Variants in LUZP2 observed in about 807,000 individuals in gnomAD.
The protein encoded by LUZP2 is leucine zipper protein 2.
Under a neutral mutation model 51.6 loss-of-function variants are expected in LUZP2, and 52 were observed. The ratio of observed to expected loss-of-function variants is 1.01; its 90% CI spans 0.81 to 1.27. The LOEUF (loss-of-function observed/expected upper bound fraction) is 1.27, where lower values mean the gene tolerates loss of function less well. Among genes scored for constraint, LUZP2 ranks in the 50% most tolerant of loss-of-function variants. The probability of loss-of-function intolerance (pLI) is 0.00; values close to 1 mark genes in which losing one functional copy is unlikely to be tolerated. For synonymous variants in LUZP2, 154 were observed against 137.3 expected (o/e 1.12, Z -0.85); for missense variants, 436 against 395.4 (o/e 1.10, Z -0.87).
At chr11:25,036,809 G>A (rs755978887) in intron 9 of LUZP2, among the ~76,000 whole-genome samples, 4 of 151,808 alleles carry the variant, frequency 2.6e-5, no homozygotes, top group Non-Finnish European at 5.9e-5. Flanking sequence ...ATTGCACTGG[G>A]GTCCAGGAGT....
intron 1 of LUZP2, among the ~76,000 whole-genome samples, chr11:24,698,572 A>G (rs1857320040): frequency 6.6e-6 from 1 of 152,220 alleles, no homozygotes; most frequent in Admixed American, 6.5e-5. Flanking sequence ...TGATTTTGGC[A>G]TCCATTGCAT....
intron 9 of LUZP2, among the ~76,000 whole-genome samples, chr11:25,047,120 A>G (rs530485382): frequency 6.6e-6 from 1 of 152,168 alleles, no homozygotes; most frequent in African/African-American, 2.4e-5. Flanking sequence ...GATTCAATCC[A>G]TTCTTCATGA....
At chr11:25,024,025 A>G (rs1044002581) in intron 9 of LUZP2, among the ~76,000 whole-genome samples, 1 of 152,066 alleles carries the variant, frequency 6.6e-6, no homozygotes. Context: ...CTGTTCTTTT[A>G]CATCTGCTGA....
chr11:24,653,505 C>T (rs1176735929), intron 1 of LUZP2, among the ~76,000 whole-genome samples: 2 of 152,066 alleles, frequency 1.3e-5, no homozygotes, highest in African/African-American at 4.8e-5. Flanking sequence ...AGGCACTTCC[C>T]TATATAAGTC....
chr11:24,595,549 A>AT (rs1296143618), intron 1 of LUZP2, among the ~76,000 whole-genome samples: 7 of 152,140 alleles, frequency 4.6e-5, no homozygotes, highest in South Asian at 2.1e-4. Context: ...GCACCTGTCA[A>AT]TTTTTTTACA....
At chr11:24,562,448 G>A (rs1852074141) in intron 1 of LUZP2, among the ~76,000 whole-genome samples, 1 of 145,876 alleles carries the variant, frequency 6.9e-6, no homozygotes, top group Admixed American at 7.0e-5. Flanking sequence ...AGTAGATTCT[G>A]TTCCCAAAAA....
intron 7 of LUZP2, among the ~76,000 whole-genome samples, chr11:24,973,751 T>G (rs571996168): frequency 1.0e-3 from 154 of 152,236 alleles, no homozygotes; most frequent in African/African-American, 3.5e-3. Flanking sequence ...TTTGAGTGAA[T>G]TTCTTAGTCT....
At chr11:24,917,823 T>G (rs1590727001) in intron 7 of LUZP2, among the ~76,000 whole-genome samples, 1 of 152,154 alleles carries the variant, frequency 6.6e-6, no homozygotes, top group East Asian at 1.9e-4. Context: ...TGCGGGCTCT[T>G]TTTTGGTTCC....
At chr11:25,008,024 AT>A (rs751016880) in intron 9 of LUZP2, among the ~76,000 whole-genome samples, 121 of 152,334 alleles carry the variant, frequency 7.9e-4, no homozygotes, top group Non-Finnish European at 1.5e-3. Flanking sequence ...ATAAACGTTC[AT>A]TTAAATAGAA....
At chr11:24,910,580 T>C (rs944295391) in intron 6 of LUZP2, among the ~76,000 whole-genome samples, 1 of 152,178 alleles carries the variant, frequency 6.6e-6, no homozygotes, top group African/African-American at 2.4e-5. Flanking sequence ...CAAGCCTTGG[T>C]GCCTTCCATG....
chr11:24,808,937 C>T (rs951499146), intron 5 of LUZP2, among the ~76,000 whole-genome samples: 2 of 152,042 alleles, frequency 1.3e-5, no homozygotes, highest in Non-Finnish European at 2.9e-5. Flanking sequence ...TTTAGAATTA[C>T]TCTGGCTTAG....
intron 7 of LUZP2, among the ~76,000 whole-genome samples, chr11:24,963,365 G>A (rs1459995353): frequency 6.6e-6 from 1 of 152,200 alleles, no homozygotes; most frequent in African/African-American, 2.4e-5. Flanking sequence ...CCTGCCCCCA[G>A]AGGTGGAGCC....
chr11:25,024,214 G>A (rs1857418878), intron 9 of LUZP2, among the ~76,000 whole-genome samples: 1 of 152,086 alleles, frequency 6.6e-6, no homozygotes, highest in Non-Finnish European at 1.5e-5. Flanking sequence ...TCGTTGATCT[G>A]CATTCCCTTT....
intron 1 of LUZP2, among the ~76,000 whole-genome samples, chr11:24,647,722 C>T (rs1006697611): frequency 1.1e-4 from 16 of 151,854 alleles, no homozygotes; most frequent in Non-Finnish European, 2.4e-4. Flanking sequence ...GGTTGATAGC[C>T]TTTATCAAGA....
chr11:24,946,349 ATAAT>A (rs1366398408), intron 7 of LUZP2, among the ~76,000 whole-genome samples: 1 of 151,980 alleles, frequency 6.6e-6, no homozygotes, highest in Non-Finnish European at 1.5e-5. Context: ...AATTATTAAT[ATAAT>A]TAGATTTGTG....
chr11:24,889,390 A>T (rs1046062993), intron 5 of LUZP2, among the ~76,000 whole-genome samples: 1 of 152,178 alleles, frequency 6.6e-6, no homozygotes, highest in Admixed American at 6.5e-5. Context: ...CCAGGTTCCA[A>T]ATTTTTCTCT....
chr11:24,535,941 C>T (rs1323043025), intron 1 of LUZP2, among the ~76,000 whole-genome samples: 2 of 151,664 alleles, frequency 1.3e-5, no homozygotes, highest in African/African-American at 4.8e-5. Context: ...GTCAAAATTA[C>T]TCCTTGATCC....
intron 5 of LUZP2, among the ~76,000 whole-genome samples, chr11:24,834,258 C>G (rs139037028): frequency 1.3e-5 from 2 of 152,108 alleles, no homozygotes; most frequent in Admixed American, 6.5e-5. Flanking sequence ...CCCTCACCCC[C>G]CAACAGGCCC....
intron 1 of LUZP2, among the ~76,000 whole-genome samples, chr11:24,671,689 A>T (rs1279805223): frequency 6.6e-6 from 1 of 152,106 alleles, no homozygotes; most frequent in African/African-American, 2.4e-5. Context: ...TAACAGACAC[A>T]CAAGAGAGAT....
Sources: allele counts gnomAD v4.1 joint callset (sites outside exome capture counted in the v4.1 genomes callset), GRCh38; gene constraint gnomAD v4.1.1; transcripts MANE v1.5; gene names NCBI Gene and HGNC (gene_info 2026-07-23, HGNC 2026-07-21).